GTF2H1: variants seen among roughly 807,000 people sequenced by gnomAD.
GTF2H1 encodes the protein general transcription factor IIH subunit 1.
Under a neutral mutation model 71.2 loss-of-function variants are expected in GTF2H1, and 16 were observed. The ratio of observed to expected loss-of-function variants is 0.22; its 90% CI spans 0.15 to 0.34. The LOEUF (loss-of-function observed/expected upper bound fraction) is 0.34. Ranked by LOEUF, GTF2H1 falls within the 10% of genes least tolerant of loss-of-function variation. GTF2H1 has a pLI of 1.00. For missense variants in GTF2H1, 498 were observed against 648.2 expected (o/e 0.77, Z 2.52); for synonymous variants, 215 against 219.0 (o/e 0.98, Z 0.16).
intron 11 of GTF2H1, among the ~76,000 whole-genome samples, chr11:18,354,214 T>C (rs757751202): frequency 1.3e-4 from 20 of 152,242 alleles, no homozygotes; most frequent in Non-Finnish European, 2.2e-4. Flanking sequence ...GAAGTAATGT[T>C]GTATCCTACT....
chr11:18,336,613 G>C (rs1865034612), intron 3 of GTF2H1, among the ~76,000 whole-genome samples: 1 of 152,156 alleles, frequency 6.6e-6, no homozygotes, highest in Admixed American at 6.6e-5. Flanking sequence ...GCAGAACCGG[G>C]ATTGGAAGGT....
At chr11:18,360,304 G>A (rs1359748111) in intron 13 of GTF2H1, among the ~76,000 whole-genome samples, 1 of 151,840 alleles carries the variant, frequency 6.6e-6, no homozygotes, top group Non-Finnish European at 1.5e-5. Flanking sequence ...TGTATTTTTA[G>A]CGGAGACGGG....
intron 14 of GTF2H1, among the ~76,000 whole-genome samples, chr11:18,363,467 A>G (rs1865752597): frequency 6.6e-6 from 1 of 152,114 alleles, no homozygotes; most frequent in African/African-American, 2.4e-5. Context: ...CTCTATTATA[A>G]TCTGATGGGA....
chr11:18,358,624 C>T lies in GTF2H1; in HGVS notation c.1451C>T (p.Pro484Leu). The change falls in exon 13 of 15, where the codon CCA (proline) becomes CTA (leucine). Residue 484 changes from proline to leucine, a missense_variant. By Grantham distance (98) the Pro-to-Leu change is moderately conservative (BLOSUM62 -3). Around this residue, in one of 3 missense-constraint regions of GTF2H1, gnomAD observed 266 missense variants for 301.6 expected, o/e 0.88. Coordinates refer to ENST00000265963, the MANE Select transcript of GTF2H1 (RefSeq NM_005316.4). ...HFWSCFPVNT[P>L]FLEEKVVKMK... is the part of the protein sequence containing the mutation. ...TGGTCCTGCTTTCCTGTTAATACGC[C>T]ATTCCTAGAAGAAAAGGTTAGAACC... The T allele has an allele frequency of 6.3e-7, 1 of 1,599,066 alleles. No individual in the cohort carries two copies. Among genetic ancestry groups the T allele is most frequent in the Non-Finnish European group, 8.6e-7 (1 of 1,166,480 alleles).
In GTF2H1 at chr11:18,338,128, GT is replaced by G; in HGVS notation, c.371del (p.Leu124CysfsTer10). The G allele has an allele frequency of 6.2e-7, 1 of 1,611,438 alleles. No homozygotes were observed. Reference protein sequence around the residue: ...EKNRMLQEDPVLFQLYKDLVV... With the variant: ...EKNRMLQEDPXLFQLYKDLVV... ...TTACAGAATGCTGCAAGAAGATCCT[GT>G]TTTGTTTCAGCTTTATAAAGACCTT... On this transcript the variant is annotated frameshift_variant, in exon 4 of 15. Coordinates refer to ENST00000265963, the MANE Select transcript of GTF2H1 (RefSeq NM_005316.4). LOFTEE classifies it high-confidence loss of function.
rs2133987888 is a variant in GTF2H1, at chr11:18,358,042, C to A, written c.1351C>A (p.Gln451Lys). The change falls in exon 12 of 15, where the codon CAG (glutamine) becomes AAG (lysine). Residue 451 changes from glutamine (Q) to lysine (K), a missense_variant and splice_region_variant. Gln to Lys is a moderately conservative substitution (Grantham distance 53). Coordinates refer to ENST00000265963, the MANE Select transcript of GTF2H1 (RefSeq NM_005316.4). ...MQGGTQQAIN[Q>K]MVPNDIQSEL... ...GGGAGGAACACAGCAAGCCATAAAC[C>A]GTATGTGCCGGGCCATCTTCTACTA... The A allele has an allele frequency of 6.2e-7, 1 of 1,605,926 alleles. No individual in the cohort carries two copies. The highest frequency in any genetic ancestry group is 1.3e-5 in the African/African-American group (1 of 74,874).
At chr11:18,363,303 T>C (rs918445333) in intron 14 of GTF2H1, among the ~76,000 whole-genome samples, 3 of 152,344 alleles carry the variant, frequency 2.0e-5, no homozygotes, top group Non-Finnish European at 4.4e-5. Context: ...TCATTATCAT[T>C]ATCAAGTATT....
intron 3 of GTF2H1, 56 bp from the exon 4 acceptor site, chr11:18,338,053 C>T: frequency 8.6e-7 from 1 of 1,167,324 alleles, no homozygotes; most frequent in Non-Finnish European, 1.2e-6. Context: ...TAAAATGTAC[C>T]TACATGGTGT....
chr11:18,358,503 G>A (rs1319279806), intron 12 of GTF2H1, 22 bp from the exon 13 acceptor site: 3 of 1,338,574 alleles, frequency 2.2e-6, no homozygotes, highest in Middle Eastern at 1.8e-4. Context: ...CTTAACCTAT[G>A]GGCCTTGTTC....
At chr11:18,326,306 G>A (rs927756122) in intron 1 of GTF2H1, among the ~76,000 whole-genome samples, 2 of 152,042 alleles carry the variant, frequency 1.3e-5, no homozygotes, top group African/African-American at 2.4e-5. Context: ...CAGATCACCC[G>A]AGGTCAGGAG....
intron 14 of GTF2H1, among the ~76,000 whole-genome samples, chr11:18,362,033 T>C (rs1307103718): frequency 6.6e-6 from 1 of 152,236 alleles, no homozygotes; most frequent in Non-Finnish European, 1.5e-5. Context: ...CAGGGATGTG[T>C]TCTAAACAAT....
At chr11:18,336,816 G>A (rs1240727712) in intron 3 of GTF2H1, among the ~76,000 whole-genome samples, 14 of 150,632 alleles carry the variant, frequency 9.3e-5, no homozygotes, top group African/African-American at 3.2e-4. Flanking sequence ...GTGCAGTGGC[G>A]TGATCTCAGC....
intron 7 of GTF2H1, among the ~76,000 whole-genome samples, chr11:18,343,484 C>T (rs959607415): frequency 1.3e-5 from 2 of 152,028 alleles, no homozygotes; most frequent in Admixed American, 1.3e-4. Flanking sequence ...TCTCAATCTT[C>T]TGGTTATAGT....
intron 5 of GTF2H1, 34 bp from the exon 6 acceptor site, chr11:18,341,227 T>G (rs1224444520): frequency 1.9e-6 from 3 of 1,562,668 alleles, no homozygotes; most frequent in Admixed American, 1.8e-5. Context: ...AAATGGAAAT[T>G]CAGTATATAA....
rs1201725052 is a variant in GTF2H1 at position 18,357,993 on chromosome 11, G to A, written c.1302G>A (p.Leu434=). The A allele has an allele frequency of 6.2e-7, 1 of 1,613,148 alleles. No individual in the cohort carries two copies. The highest frequency in any genetic ancestry group is 8.5e-7 in the Non-Finnish European group (1 of 1,179,290). ...CTGCCAGTAGTACCATCACAGCACT[G>A]TCACCTGGAGGGGCACTTATGCAGG... ...SSAASSTITA[L]SPGGALMQGG... The change falls in exon 12 of 15, where the codon CTG becomes CTA. Residue 434 remains leucine, a synonymous_variant. Coordinates refer to ENST00000265963, the MANE Select transcript of GTF2H1 (RefSeq NM_005316.4).
At chr11:18,345,084 G>A (rs1407587942) in intron 7 of GTF2H1, among the ~76,000 whole-genome samples, 1 of 151,412 alleles carries the variant, frequency 6.6e-6, no homozygotes, top group African/African-American at 2.4e-5. Flanking sequence ...CCAGCTACTC[G>A]GGAGGCTAAG....
At chr11:18,332,957 A>T in intron 1 of GTF2H1, 103 bp from the exon 2 acceptor site, 1 of 692,274 alleles carries the variant, frequency 1.4e-6, no homozygotes, top group Non-Finnish European at 2.2e-6. Flanking sequence ...TTAATTTCCT[A>T]CAGTTTAGAT....
chr11:18,360,519 A>T, intron 13 of GTF2H1, 96 bp from the exon 14 acceptor site: 1 of 600,338 alleles, frequency 1.7e-6, no homozygotes, highest in Non-Finnish European at 2.9e-6. Context: ...AAAAAATTCT[A>T]CAAGAAAAGT....
intron 3 of GTF2H1, among the ~76,000 whole-genome samples, chr11:18,336,846 C>T (rs1196792972): frequency 2.6e-5 from 4 of 151,924 alleles, no homozygotes; most frequent in African/African-American, 9.7e-5. Flanking sequence ...CCTCCACCTC[C>T]TGGGTTCAAG....
Sources: allele counts gnomAD v4.1 joint callset (sites outside exome capture counted in the v4.1 genomes callset), GRCh38; gene constraint gnomAD v4.1.1; regional missense constraint gnomAD v4.1.1; transcripts MANE v1.5; gene names NCBI Gene and HGNC (gene_info 2026-07-23, HGNC 2026-07-21).